Variants in VAV3 observed in about 807,000 individuals in gnomAD.
The protein encoded by VAV3 is vav guanine nucleotide exchange factor 3, also known as guanine nucleotide exchange factor VAV3.
VAV3 carries 94 observed loss-of-function variants against 131.2 expected under a neutral mutation model. That is an observed-to-expected ratio of 0.72 (90% CI 0.61 to 0.85). The LOEUF is 0.85. Ranked by LOEUF, VAV3 falls within the 40% of genes least tolerant of loss-of-function variation. The probability of loss-of-function intolerance (pLI) is 0.00; values close to 1 mark genes in which losing one functional copy is unlikely to be tolerated. For synonymous variants in VAV3, 349 were observed against 342.0 expected (o/e 1.02, Z -0.22); for missense variants, 939 against 1,002.7 (o/e 0.94, Z 0.86).
intron 24 of VAV3, among the ~76,000 whole-genome samples, chr1:107,601,060 A>G (rs1651818309): frequency 6.6e-6 from 1 of 152,032 alleles, no homozygotes; most frequent in Non-Finnish European, 1.5e-5. Context: ...TGCTTTTATC[A>G]TGTCTCAGCT....
Position 107,668,520 on chromosome 1 carries a change from A to G in VAV3, c.1777+14968T>C, listed in dbSNP as rs1251877180. ...GTACATCAACAAATATCACTCTAAC[A>G]TTCATTCCATGGCTACTTCACCAAC... On this transcript the variant is annotated intron_variant, in intron 19 of 26. Transcript: ENST00000370056. 2.0e-5 allele frequency among the ~76,000 whole-genome samples: 3 copies of G among 152,206 alleles called. No individual in the cohort carries two copies. The East Asian group carries it at 5.8e-4, about 29-fold the overall frequency.
At chr1:107,843,961 A>G (rs937395926) in intron 2 of VAV3, among the ~76,000 whole-genome samples, 1 of 152,156 alleles carries the variant, frequency 6.6e-6, no homozygotes, top group Non-Finnish European at 1.5e-5. Flanking sequence ...ACTATCTTAT[A>G]TAAGACATAA....
At chr1:107,752,336 A>G (rs1022683439) in intron 12 of VAV3, among the ~76,000 whole-genome samples, 5 of 152,226 alleles carry the variant, frequency 3.3e-5, no homozygotes, top group African/African-American at 1.2e-4. Flanking sequence ...TAAATAAAGA[A>G]TAACTAAAAA....
intron 20 of VAV3, among the ~76,000 whole-genome samples, chr1:107,631,197 A>T (rs1654449842): frequency 6.6e-6 from 1 of 152,060 alleles, no homozygotes; most frequent in Admixed American, 6.6e-5. Flanking sequence ...TTACAGATAT[A>T]TAAAATTTAT....
At chr1:107,710,556 T>C (rs1042685370) in intron 15 of VAV3, among the ~76,000 whole-genome samples, 6 of 152,304 alleles carry the variant, frequency 3.9e-5, no homozygotes, top group African/African-American at 1.4e-4. Context: ...GTCTTATTTT[T>C]ATTTATTATT....
At chr1:107,602,574 A>T in intron 23 of VAV3, 90 bp from the exon 24 acceptor site, 1 of 1,032,842 alleles carries the variant, frequency 9.7e-7, no homozygotes, top group South Asian at 1.6e-5. Context: ...ATAACATTTT[A>T]GGAATTAATT....
chr1:107,840,283 TTCAATATGCTAGAAAGCATTTAGG>T lies in VAV3; in HGVS notation c.321+34594_321+34617del, dbSNP rs1284995575. 2.6e-5 allele frequency among the ~76,000 whole-genome samples: 4 copies of T among 152,314 alleles called. No homozygotes were observed. In the East Asian group the frequency reaches 7.7e-4, roughly 29 times the overall value. On this transcript the variant is annotated intron_variant, in intron 2 of 26. Coordinates refer to ENST00000370056, the MANE Select transcript of VAV3 (RefSeq NM_006113.5). Reference sequence around the variant, plus strand: ...AATTCAATACATAAAAAGTTGGTGCTTCAATATGCTAGAAAGCATTTAGGTCACTTTTTACTTGCTACAAAACAA... The same window carrying T: ...AATTCAATACATAAAAAGTTGGTGCTTCACTTTTTACTTGCTACAAAACAA...
intron 2 of VAV3, among the ~76,000 whole-genome samples, chr1:107,847,087 G>A (rs1669004229): frequency 5.9e-5 from 9 of 152,106 alleles, no homozygotes; most frequent in Admixed American, 5.9e-4. Context: ...AGACCACAGT[G>A]CACTCAAATC....
rs561985322 is a variant in VAV3, at chr1:107,691,798, G to T, written c.1706-3392C>A. 2.6e-5 allele frequency among the ~76,000 whole-genome samples: 4 copies of T among 152,250 alleles called. No individual in the cohort carries two copies. The South Asian group carries it at 6.2e-4, about 24-fold the overall frequency. The stretch of plus-strand genomic sequence containing the variant: ...TAATATAATTCTGAGAAGTGGTGTT[G>T]CTGAGGTGCTTGGAGCCTTTGCAGA... On this transcript the variant is annotated intron_variant, in intron 17 of 26. Transcript: ENST00000370056.
At position 107,704,731 on chromosome 1, in the gene VAV3, A is replaced by C. The variant is rs1040908917; in HGVS notation, c.1605-81T>G. The C allele has an allele frequency of 2.5e-6, 3 of 1,216,438 alleles. No homozygotes were observed. In the South Asian group the frequency reaches 3.8e-5, roughly 16 times the overall value. The allele number at this position is 1,216,438 out of a possible 1,614,324, so 75.4% of individuals were successfully genotyped here. On this transcript the variant is annotated intron_variant, in intron 16 of 26. Coordinates refer to ENST00000370056, the MANE Select transcript of VAV3 (RefSeq NM_006113.5). ...GAAATTACTGCAAGAAGAAGAAAAA[A>C]AGTATCAACAGTGCTCTTCAAGGTA... is the stretch of plus-strand genomic sequence containing the variant.
intron 1 of VAV3, among the ~76,000 whole-genome samples, chr1:107,890,934 C>G (rs772295837): frequency 3.3e-5 from 5 of 152,150 alleles, no homozygotes; most frequent in African/African-American, 4.8e-5. Flanking sequence ...CCACTTTACT[C>G]CTATAAGGCA....
At chr1:107,817,250 C>T (rs1667598048) in intron 2 of VAV3, among the ~76,000 whole-genome samples, 1 of 152,012 alleles carries the variant, frequency 6.6e-6, no homozygotes, top group East Asian at 1.9e-4. Flanking sequence ...GGGAACCTCG[C>T]AGAGAAGGGA....
intron 2 of VAV3, among the ~76,000 whole-genome samples, chr1:107,782,216 ATAGCAAT>A (rs1665728281): frequency 6.6e-6 from 1 of 152,224 alleles, no homozygotes; most frequent in Non-Finnish European, 1.5e-5. Flanking sequence ...TGTATTTTAT[ATAGCAAT>A]GCATTTTACT....
chr1:107,797,019 A>C (rs964795763), intron 2 of VAV3, among the ~76,000 whole-genome samples: 26 of 152,134 alleles, frequency 1.7e-4, no homozygotes, highest in African/African-American at 5.8e-4. Context: ...ATATGACTTC[A>C]AAATAAGATA....
chr1:107,577,141 A>G (rs1016464328), intron 25 of VAV3, among the ~76,000 whole-genome samples: 4 of 152,240 alleles, frequency 2.6e-5, no homozygotes, highest in Non-Finnish European at 4.4e-5. Context: ...AATGGTTTTG[A>G]AGTCTTAGGT....
chr1:107,706,415 G>A (rs1232648610), intron 15 of VAV3, among the ~76,000 whole-genome samples: 1 of 152,188 alleles, frequency 6.6e-6, no homozygotes, highest in South Asian at 2.1e-4. Flanking sequence ...TGCTGAATAT[G>A]AGCGTGCTAA....
chr1:107,669,612 G>T (rs185324972), intron 19 of VAV3: 2 of 1,061,646 alleles, frequency 1.9e-6, no homozygotes, highest in Non-Finnish European at 1.2e-6. Flanking sequence ...TGCACAACAG[G>T]TTTTTTTGTT....
At chr1:107,907,218 T>C (rs1037812703) in intron 1 of VAV3, among the ~76,000 whole-genome samples, 1 of 152,206 alleles carries the variant, frequency 6.6e-6, no homozygotes, top group African/African-American at 2.4e-5. Flanking sequence ...AATGGTCATA[T>C]ACAAAGTTTT....
At chr1:107,872,912 G>A (rs1031608746) in intron 2 of VAV3, among the ~76,000 whole-genome samples, 3 of 152,160 alleles carry the variant, frequency 2.0e-5, no homozygotes, top group Non-Finnish European at 4.4e-5. Flanking sequence ...GGTATTGGCA[G>A]TTTTTACTTA....
Sources: gnomAD v4.1 joint callset for allele counts (sites outside exome capture counted in the v4.1 genomes callset) on GRCh38, gnomAD v4.1.1 for gene constraint, MANE v1.5 for transcripts, NCBI Gene and HGNC (gene_info 2026-07-23, HGNC 2026-07-21) for gene names.